SNTG2: variants seen among roughly 807,000 people sequenced by gnomAD.
SNTG2 encodes syntrophin gamma 2.
A neutral mutation model predicts 70.9 loss-of-function variants in SNTG2; 74 were observed. That is an observed-to-expected ratio of 1.04 (90% confidence interval 0.86 to 1.27). The LOEUF (loss-of-function observed/expected upper bound fraction) is 1.27. Among genes scored for constraint, SNTG2 ranks in the 50% most tolerant of loss-of-function variants. The pLI, the probability that SNTG2 is intolerant of heterozygous loss-of-function variation, is 0.00. For synonymous variants in SNTG2, 278 were observed against 273.8 expected (o/e 1.02, Z -0.15); for missense variants, 717 against 690.7 (o/e 1.04, Z -0.43).
intron 4 of SNTG2, among the ~76,000 whole-genome samples, chr2:1,132,793 C>T (rs888353806): frequency 2.6e-5 from 4 of 152,190 alleles, no homozygotes; most frequent in Non-Finnish European, 5.9e-5. Context: ...GAAACGCCCA[C>T]TCACCCTCCC....
At chr2:1,274,555 C>A (rs1235848110) in intron 14 of SNTG2, among the ~76,000 whole-genome samples, 3 of 152,172 alleles carry the variant, frequency 2.0e-5, no homozygotes, top group African/African-American at 7.2e-5. Context: ...GGTGTCACAC[C>A]TAAGAACTTA....
Position 1,085,702 on chromosome 2 carries a change from A to G in SNTG2, c.210+2047A>G, listed in dbSNP as rs188408917. Among the ~76,000 whole-genome samples the G allele has an allele frequency of 4.6e-5, 7 of 152,360 alleles. No individual in the cohort carries two copies. The East Asian group carries it at 9.6e-4, about 21-fold the overall frequency. On this transcript the variant is annotated intron_variant, in intron 2 of 16. Transcript: ENST00000308624. ...GAATTGATGTATTATTTTACTTCCT[A>G]TTCCTTTATAGTGACATGAAGTGTC...
chr2:1,296,756 G>A (rs1046029172), intron 14 of SNTG2, among the ~76,000 whole-genome samples: 2 of 152,160 alleles, frequency 1.3e-5, no homozygotes, highest in African/African-American at 4.8e-5. Flanking sequence ...TCCCCAGCAC[G>A]CTCTTTAGGA....
chr2:1,132,207 A>G lies in SNTG2; in HGVS notation c.326-5415A>G, dbSNP rs966514963. Among the ~76,000 whole-genome samples, 9 of 150,322 alleles carry G rather than the reference A, an allele frequency of 6.0e-5. No homozygotes were observed. The East Asian group carries it at 1.6e-3, about 27-fold the overall frequency. ...TCCATATATATGTGTGTGTATATAT[A>G]TGTGTATATATATGTGTATATATGT... On this transcript the variant is annotated intron_variant, in intron 4 of 16. Coordinates refer to ENST00000308624, the MANE Select transcript of SNTG2 (RefSeq NM_018968.4).
At chr2:1,311,033 G>A (rs543066937) in intron 15 of SNTG2, among the ~76,000 whole-genome samples, 1 of 152,168 alleles carries the variant, frequency 6.6e-6, no homozygotes, top group Non-Finnish European at 1.5e-5. Context: ...AAATGACCTG[G>A]GCAGTGCTAG....
At chr2:1,179,621 C>G (rs933013633) in intron 8 of SNTG2, among the ~76,000 whole-genome samples, 17 of 151,846 alleles carry the variant, frequency 1.1e-4, no homozygotes, top group South Asian at 4.2e-4. Context: ...GAATCAATAT[C>G]GTGAAAATGA....
intron 1 of SNTG2, among the ~76,000 whole-genome samples, chr2:1,017,518 C>T (rs1461906506): frequency 1.3e-5 from 2 of 151,814 alleles, no homozygotes; most frequent in Non-Finnish European, 2.9e-5. Flanking sequence ...ACATTCACAC[C>T]CAGAATATAT....
intron 15 of SNTG2, among the ~76,000 whole-genome samples, chr2:1,310,300 A>C (rs1680917300): frequency 6.6e-6 from 1 of 152,000 alleles, no homozygotes; most frequent in East Asian, 1.9e-4. Context: ...AGGGGCATTT[A>C]TCTGTACCTG....
intron 4 of SNTG2, among the ~76,000 whole-genome samples, chr2:1,123,220 A>G (rs546402709): frequency 1.1e-4 from 16 of 152,328 alleles, no homozygotes; most frequent in Middle Eastern, 6.8e-3. Context: ...AAACAATTCA[A>G]ATATTCATAT....
chr2:1,045,776 T>C (rs1661699332), intron 1 of SNTG2, among the ~76,000 whole-genome samples: 1 of 152,170 alleles, frequency 6.6e-6, no homozygotes, highest in African/African-American at 2.4e-5. Flanking sequence ...TTGAATTTGT[T>C]GAGAATTGCC....
At chr2:1,251,615 CCACACACACCG>C (rs1387169862) in intron 12 of SNTG2, among the ~76,000 whole-genome samples, 38 of 148,340 alleles carry the variant, frequency 2.6e-4, no homozygotes, top group African/African-American at 8.0e-4. Context: ...CATGCACACA[CCACACACACCG>C]CACACACACC....
intron 7 of SNTG2, among the ~76,000 whole-genome samples, chr2:1,169,682 C>T (rs1436491346): frequency 2.6e-5 from 4 of 152,170 alleles, no homozygotes; most frequent in African/African-American, 9.6e-5. Flanking sequence ...CATTGCCAGT[C>T]ACATAGTGAC....
chr2:1,222,529 C>G (rs74679443), intron 9 of SNTG2, among the ~76,000 whole-genome samples: 9,486 of 102,634 alleles, frequency 0.092, 222 homozygotes, highest in Middle Eastern at 0.14. Flanking sequence ...CTGCCTGCTG[C>G]TGGAGGTGCT....
chr2:980,649 A>AAGTATCTT (rs1259093900), intron 1 of SNTG2, among the ~76,000 whole-genome samples: 1 of 151,926 alleles, frequency 6.6e-6, no homozygotes, highest in Non-Finnish European at 1.5e-5. Context: ...CAGTATGTGT[A>AAGTATCTT]AGTATATTAT....
intron 1 of SNTG2, among the ~76,000 whole-genome samples, chr2:1,052,716 G>T (rs946417410): frequency 2.0e-5 from 3 of 152,126 alleles, no homozygotes; most frequent in African/African-American, 7.2e-5. Context: ...CCATCCTTTC[G>T]TGGAAGCAGG....
chr2:1,101,949 G>A (rs1665807970), intron 4 of SNTG2, among the ~76,000 whole-genome samples: 1 of 152,204 alleles, frequency 6.6e-6, no homozygotes, highest in African/African-American at 2.4e-5. Flanking sequence ...TAAGATGTTA[G>A]ATCAGTGCAA....
At chr2:1,207,047 C>T (rs1333381727) in intron 8 of SNTG2, among the ~76,000 whole-genome samples, 1 of 152,166 alleles carries the variant, frequency 6.6e-6, no homozygotes, top group African/African-American at 2.4e-5. Context: ...GCAAATACCA[C>T]AGTTAAAATT....
intron 6 of SNTG2, among the ~76,000 whole-genome samples, chr2:1,149,726 T>A (rs569667260): frequency 6.8e-6 from 1 of 146,036 alleles, no homozygotes; most frequent in African/African-American, 2.6e-5. Context: ...CTGGCTCTGT[T>A]GCCCAGGCTG....
chr2:1,202,097 G>T (rs995897505), intron 8 of SNTG2, among the ~76,000 whole-genome samples: 6 of 152,036 alleles, frequency 3.9e-5, no homozygotes, highest in African/African-American at 1.4e-4. Context: ...ATTAAACCAC[G>T]TGGAAACTTG....
Sources: allele counts gnomAD v4.1 joint callset (sites outside exome capture counted in the v4.1 genomes callset), GRCh38; gene constraint gnomAD v4.1.1; transcripts MANE v1.5; gene names NCBI Gene and HGNC (gene_info 2026-07-23, HGNC 2026-07-21).